The following CNTNAP2 variants were observed in gnomAD, a reference collection of about 807,000 sequenced individuals.
The protein encoded by CNTNAP2 is contactin-associated protein-like 2.
A neutral mutation model predicts 155.2 loss-of-function variants in CNTNAP2; 98 were observed. The ratio of observed to expected loss-of-function variants is 0.63; its 90% CI spans 0.54 to 0.75. The LOEUF is 0.75. CNTNAP2 is among the 30% of genes least tolerant of loss of function. The pLI, the probability that CNTNAP2 is intolerant of heterozygous loss-of-function variation, is 0.00. For synonymous variants in CNTNAP2, 651 were observed against 631.2 expected (o/e 1.03, Z -0.47); for missense variants, 1,727 against 1,688.1 (o/e 1.02, Z -0.40).
chr7:148,283,307 G>GAAAAA (rs869305935), intron 21 of CNTNAP2, among the ~76,000 whole-genome samples: 1 of 58,356 alleles, frequency 1.7e-5, no homozygotes, highest in Non-Finnish European at 3.2e-5. Flanking sequence ...AAGAAAGAAA[G>GAAAAA]GAAGGAAGGA....
intron 21 of CNTNAP2, among the ~76,000 whole-genome samples, chr7:148,355,714 G>T (rs1374076935): frequency 6.6e-6 from 1 of 152,196 alleles, no homozygotes; most frequent in Non-Finnish European, 1.5e-5. Flanking sequence ...CATGGATGTA[G>T]CCATAGTCAT....
chr7:147,941,026 C>T (rs1235206608), intron 14 of CNTNAP2, among the ~76,000 whole-genome samples: 16 of 152,102 alleles, frequency 1.1e-4, no homozygotes, highest in Admixed American at 9.2e-4. Flanking sequence ...TATTAATAGC[C>T]GGAATTATCC....
chr7:147,391,865 G>A (rs1014087389), intron 9 of CNTNAP2, among the ~76,000 whole-genome samples: 4 of 150,600 alleles, frequency 2.7e-5, no homozygotes, highest in African/African-American at 1.0e-4. Context: ...TGTTTGCATT[G>A]TTCACCATCT....
At chr7:146,744,992 C>A (rs1801785486) in intron 1 of CNTNAP2, among the ~76,000 whole-genome samples, 2 of 152,268 alleles carry the variant, frequency 1.3e-5, no homozygotes, top group South Asian at 4.2e-4. Flanking sequence ...ACTCCCTAAT[C>A]CAATCCTTTT....
chr7:147,212,042 A>G (rs960417074), intron 8 of CNTNAP2, among the ~76,000 whole-genome samples: 5 of 152,158 alleles, frequency 3.3e-5, no homozygotes, highest in African/African-American at 2.4e-5. Context: ...CAAAACTGCA[A>G]TGAGATATCA....
Position 147,128,743 on chromosome 7 carries a change from A to T in CNTNAP2, c.990A>T (p.Arg330Ser). Residue 330 changes from arginine to serine, a missense_variant, in exon 7 of 24, where the codon AGA becomes AGT. Transcript: ENST00000361727. Reference sequence around the variant, plus strand: ...CTGGCAAGCCCAGCTCCAGCAGTAGAAAGAATTTCAAAGGCTGCATGGAAA... The same window carrying T: ...CTGGCAAGCCCAGCTCCAGCAGTAGTAAGAATTTCAAAGGCTGCATGGAAA... Reference protein sequence around the residue: ...PFSGKPSSSSRKNFKGCMESI... With the variant: ...PFSGKPSSSSSKNFKGCMESI... The T allele has an allele frequency of 6.2e-7, 1 of 1,614,080 alleles. No homozygotes were observed. The highest frequency in any genetic ancestry group is 8.5e-7 in the Non-Finnish European group (1 of 1,179,962).
chr7:147,880,968 A>G (rs866255914), intron 13 of CNTNAP2, among the ~76,000 whole-genome samples: 26 of 152,066 alleles, frequency 1.7e-4, no homozygotes, highest in Middle Eastern at 3.4e-3. Context: ...ATAATAATGT[A>G]CATCTCCTGA....
chr7:148,053,555 C>T (rs1018437444), intron 15 of CNTNAP2, among the ~76,000 whole-genome samples: 18 of 152,254 alleles, frequency 1.2e-4, no homozygotes, highest in African/African-American at 4.3e-4. Context: ...TGAAAACTTA[C>T]GCTCATTATC....
At chr7:147,346,128 A>ATTTTTTTTTTTT (rs1220532680) in intron 9 of CNTNAP2, among the ~76,000 whole-genome samples, 1 of 56,330 alleles carries the variant, frequency 1.8e-5, no homozygotes, top group African/African-American at 1.5e-4. Context: ...ATAATCGAAG[A>ATTTTTTTTTTTT]TTTTATTTTA....
rs141964244 is a variant in CNTNAP2 at position 146,784,868 on chromosome 7, G to C, written c.208+10487G>C. ...AATGGTCAGGATATCTAGGCAAAAA[G>C]CTTTATCAAATATTTACACACTGAA... On this transcript the variant is annotated intron_variant, in intron 2 of 23. Transcript: ENST00000361727. 6.9e-3 allele frequency among the ~76,000 whole-genome samples: 1,048 copies of C among 152,102 alleles called. 12 individuals are homozygous for C. The highest frequency in any genetic ancestry group is 0.024 in the African/African-American group (976 of 41,496).
chr7:148,106,881 T>G (rs1459893790), intron 15 of CNTNAP2, among the ~76,000 whole-genome samples: 1 of 152,120 alleles, frequency 6.6e-6, no homozygotes, highest in Non-Finnish European at 1.5e-5. Flanking sequence ...AGGACAGAAA[T>G]TGGAGTGAGG....
chr7:146,283,273 A>T (rs920745068), intron 1 of CNTNAP2, among the ~76,000 whole-genome samples: 11 of 152,250 alleles, frequency 7.2e-5, no homozygotes, highest in African/African-American at 2.7e-4. Context: ...CTCCTAAATG[A>T]GTATGAAACA....
chr7:147,587,816 A>T (rs1175128582), intron 12 of CNTNAP2, among the ~76,000 whole-genome samples: 1 of 152,076 alleles, frequency 6.6e-6, no homozygotes, highest in Non-Finnish European at 1.5e-5. Context: ...AAAATACTTT[A>T]TTGTGTGTGT....
chr7:148,392,084 T>C (rs1799363151), intron 22 of CNTNAP2, among the ~76,000 whole-genome samples: 1 of 152,174 alleles, frequency 6.6e-6, no homozygotes, highest in African/African-American at 2.4e-5. Flanking sequence ...GTTGTTGTTA[T>C]TATTATTTGA....
chr7:148,375,482 C>G (rs1249386459), intron 21 of CNTNAP2, among the ~76,000 whole-genome samples: 1 of 150,578 alleles, frequency 6.6e-6, no homozygotes, highest in African/African-American at 2.4e-5. Flanking sequence ...GCCTCAGCCT[C>G]CCGAGTAGCT....
chr7:146,708,229 G>A (rs1800999871), intron 1 of CNTNAP2, among the ~76,000 whole-genome samples: 1 of 151,966 alleles, frequency 6.6e-6, no homozygotes. Context: ...AAATTGCTGG[G>A]CTCTGCTTGC....
At chr7:146,563,621 G>T (rs541665520) in intron 1 of CNTNAP2, among the ~76,000 whole-genome samples, 23 of 152,200 alleles carry the variant, frequency 1.5e-4, no homozygotes, top group Non-Finnish European at 2.8e-4. Flanking sequence ...TACAGCCAGA[G>T]ACCTGTTTGG....
intron 9 of CNTNAP2, among the ~76,000 whole-genome samples, chr7:147,352,892 T>C (rs1795990534): frequency 6.6e-6 from 1 of 151,706 alleles, no homozygotes. Context: ...TAGATGAAAA[T>C]ATTAGTTTAT....
intron 1 of CNTNAP2, among the ~76,000 whole-genome samples, chr7:146,319,822 ATCGT>A (rs1207288672): frequency 6.6e-6 from 1 of 152,116 alleles, no homozygotes; most frequent in Non-Finnish European, 1.5e-5. Flanking sequence ...CTGCATTCCC[ATCGT>A]TCGGGCATGG....
Sources: allele counts gnomAD v4.1 joint callset (sites outside exome capture counted in the v4.1 genomes callset), GRCh38; gene constraint gnomAD v4.1.1; transcripts MANE v1.5; gene names NCBI Gene and HGNC (gene_info 2026-07-23, HGNC 2026-07-21).